HNRNPLL: variants seen among roughly 807,000 people sequenced by gnomAD.
HNRNPLL encodes the protein heterogeneous nuclear ribonucleoprotein L-like.
HNRNPLL carries 25 observed loss-of-function variants against 67.1 expected under a neutral mutation model. The observed-to-expected ratio is 0.37, with a 90% CI of 0.27 to 0.52. The LOEUF (loss-of-function observed/expected upper bound fraction) is 0.52. Among genes scored for constraint, HNRNPLL ranks in the 20% least tolerant of loss-of-function variants. HNRNPLL has a pLI of 0.90. For missense variants in HNRNPLL, 542 were observed against 673.9 expected (o/e 0.80, Z 2.17); for synonymous variants, 267 against 241.7 (o/e 1.10, Z -0.97).
intron 8 of HNRNPLL, among the ~76,000 whole-genome samples, chr2:38,572,058 C>G (rs1666108887): frequency 6.6e-6 from 1 of 152,094 alleles, no homozygotes; most frequent in Non-Finnish European, 1.5e-5. Flanking sequence ...ATTTAATTAT[C>G]AAACATGCAT....
chr2:38,565,903 A>G (rs1057305893), intron 12 of HNRNPLL: 1 of 458,284 alleles, frequency 2.2e-6, no homozygotes, highest in African/African-American at 2.1e-5. Flanking sequence ...CTTCACACAC[A>G]GTTTTGAAAG....
chr2:38,596,676 T>C (rs1377024942), intron 1 of HNRNPLL, among the ~76,000 whole-genome samples: 1 of 152,212 alleles, frequency 6.6e-6, no homozygotes, highest in East Asian at 1.9e-4. Context: ...TATATTAATA[T>C]TGAGGTCATG....
chr2:38,577,425 C>T, intron 7 of HNRNPLL, 36 bp downstream of exon 7: 1 of 1,263,368 alleles, frequency 7.9e-7, no homozygotes, highest in Non-Finnish European at 1.2e-6. Context: ...TCAAACAGTT[C>T]ATCTATACTA....
At chr2:38,581,785 G>C in intron 6 of HNRNPLL, 128 bp downstream of exon 6, 1 of 684,400 alleles carries the variant, frequency 1.5e-6, no homozygotes, top group South Asian at 1.7e-5. Context: ...ATGGCCTTTT[G>C]CAACAAAAGC....
rs1444698860 is a variant in HNRNPLL, at chr2:38,602,639, A to G, written c.-13T>C. 1 of 1,493,330 alleles carries G rather than the reference A, an allele frequency of 6.7e-7. No homozygotes were observed. Among genetic ancestry groups the G allele is most frequent in the South Asian group, 1.3e-5 (1 of 78,266 alleles). The allele number at this position is 1,493,330 out of a possible 1,614,324, so 92.5% of individuals were successfully genotyped here. A position where few individuals can be genotyped will look rare whatever the true frequency, so the allele number is the denominator to read the frequency against. On this transcript the variant is annotated 5_prime_UTR_variant, in exon 1 of 13. Coordinates refer to ENST00000449105, the MANE Select transcript of HNRNPLL (RefSeq NM_138394.4). ...AGGAGGAGGACATGGCGGCGGCCGG[A>G]GGGACCGGCTGGCAGGCGGGTGGGG...
chr2:38,602,811 G>C lies in HNRNPLL; in HGVS notation c.-185C>G. The C allele has an allele frequency of 6.5e-7, 1 of 1,544,928 alleles. No individual in the cohort carries two copies. The highest frequency in any genetic ancestry group is 8.7e-7 in the Non-Finnish European group (1 of 1,144,704). ...CTGAGAAGCGCGGACGGACTGAGGG[G>C]GGCGCCCCGGGAGGAAGCTCTGGAG... On this transcript the variant is annotated 5_prime_UTR_variant, in exon 1 of 13. Transcript: ENST00000449105.
chr2:38,595,290 A>G (rs1435458153), intron 1 of HNRNPLL, among the ~76,000 whole-genome samples: 4 of 145,920 alleles, frequency 2.7e-5, no homozygotes, highest in African/African-American at 1.0e-4. Flanking sequence ...AAAAAAAAAA[A>G]AAAAAAAGAA....
intron 9 of HNRNPLL, 36 bp downstream of exon 9, chr2:38,569,768 A>T (rs1666000506): frequency 6.2e-6 from 7 of 1,129,596 alleles, no homozygotes; most frequent in Non-Finnish European, 7.5e-6. Context: ...ATTTTTAAAT[A>T]TTTTTTAAAA....
intron 12 of HNRNPLL, among the ~76,000 whole-genome samples, chr2:38,565,571 T>C (rs1665825098): frequency 6.6e-6 from 1 of 151,428 alleles, no homozygotes; most frequent in Non-Finnish European, 1.5e-5. Flanking sequence ...TAAACAAATA[T>C]ACACCAATAA....
chr2:38,583,278 C>A (rs536206851), intron 4 of HNRNPLL, among the ~76,000 whole-genome samples: 1 of 152,032 alleles, frequency 6.6e-6, no homozygotes, highest in Non-Finnish European at 1.5e-5. Context: ...ACTATTAAAG[C>A]GTTTGCTGTA....
rs138058397 is a variant in HNRNPLL at position 38,572,410 on chromosome 2, A to C, written c.1092+800T>G. Among the ~76,000 whole-genome samples, 465 of 152,234 alleles carry C rather than the reference A, an allele frequency of 3.1e-3. 5 individuals are homozygous for C. The highest frequency in any genetic ancestry group is 0.011 in the African/African-American group (444 of 41,560). On this transcript the variant is annotated intron_variant, in intron 8 of 12. Transcript: ENST00000449105. ...CATGCTGCAAGAACTTACTGTTGCA[A>C]AGAACACTAAAATCACTTAAAACAG... is the stretch of plus-strand genomic sequence containing the variant.
rs756458550 is a variant in HNRNPLL at position 38,573,465 on chromosome 2, A to G, written c.875-38T>C. On this transcript the variant is annotated intron_variant, in intron 7 of 12. Coordinates refer to ENST00000449105, the MANE Select transcript of HNRNPLL (RefSeq NM_138394.4). ...TCAAAATAAATAAATTAGTTAACAT[A>G]TACACATAGTTGTTTGTAAATACTT... is the stretch of plus-strand genomic sequence containing the variant. 30 of 1,324,530 alleles carry G rather than the reference A, an allele frequency of 2.3e-5. No individual in the cohort carries two copies. The Admixed American group carries it at 5.5e-4, about 24-fold the overall frequency. 82.0% of individuals were successfully genotyped at this position (1,324,530 alleles called of 1,614,324 possible). A position where few individuals can be genotyped will look rare whatever the true frequency, so the allele number is the denominator to read the frequency against.
chr2:38,596,738 C>T (rs1407710578), intron 1 of HNRNPLL, among the ~76,000 whole-genome samples: 2 of 152,030 alleles, frequency 1.3e-5, no homozygotes, highest in Admixed American at 1.3e-4. Context: ...TACAGGAGCC[C>T]AAGTTATTTC....
intron 4 of HNRNPLL, 113 bp downstream of exon 4, chr2:38,583,728 G>A (rs1169228755): frequency 1.8e-5 from 9 of 500,256 alleles, no homozygotes; most frequent in Admixed American, 7.8e-5. Flanking sequence ...GCTAAGTCAC[G>A]TAGATTTTTG....
intron 12 of HNRNPLL, among the ~76,000 whole-genome samples, chr2:38,565,012 A>C (rs1045604035): frequency 3.3e-5 from 5 of 151,852 alleles, no homozygotes; most frequent in Non-Finnish European, 5.9e-5. Context: ...AAAAAAACAA[A>C]CCAACTGGGT....
Position 38,563,986 on chromosome 2 carries a change from T to C in HNRNPLL, c.*196A>G. ...GCTGTAGATAGTCTACATTATGATA[T>C]TCTATCTTAAAATGAAAACAATTCA... On this transcript the variant is annotated 3_prime_UTR_variant, in exon 13 of 13. Coordinates refer to ENST00000449105, the MANE Select transcript of HNRNPLL (RefSeq NM_138394.4). 1 of 536,150 alleles carries C rather than the reference T, an allele frequency of 1.9e-6. No individual in the cohort carries two copies. Among genetic ancestry groups the C allele is most frequent in the East Asian group, 3.2e-5 (1 of 31,558 alleles). 33.2% of individuals were successfully genotyped at this position (536,150 alleles called of 1,614,324 possible). A position where few individuals can be genotyped will look rare whatever the true frequency, so the allele number is the denominator to read the frequency against.
intron 1 of HNRNPLL, among the ~76,000 whole-genome samples, chr2:38,594,232 T>C (rs1471198850): frequency 6.6e-6 from 1 of 152,140 alleles, no homozygotes; most frequent in African/African-American, 2.4e-5. Context: ...ATGTGAGCCT[T>C]TATTAGACAA....
chr2:38,595,692 A>G (rs951815794), intron 1 of HNRNPLL, among the ~76,000 whole-genome samples: 21 of 152,150 alleles, frequency 1.4e-4, no homozygotes, highest in African/African-American at 5.1e-4. Context: ...AAAAATACAA[A>G]AATTAGCCGG....
chr2:38,602,772 C>T lies in HNRNPLL; in HGVS notation c.-146G>A. ...CGGCCGTCCGCGGGGACTGCGCGGC[C>T]AGGAGACTGGCGGCTGAGAAGCGCG... On this transcript the variant is annotated 5_prime_UTR_variant, in exon 1 of 13. Coordinates refer to ENST00000449105, the MANE Select transcript of HNRNPLL (RefSeq NM_138394.4). 6.6e-7 allele frequency: 1 copy of T among 1,526,262 alleles called. No individual in the cohort carries two copies. The highest frequency in any genetic ancestry group is 8.8e-7 in the Non-Finnish European group (1 of 1,136,396). 94.5% of individuals were successfully genotyped at this position (1,526,262 alleles called of 1,614,324 possible). A position where few individuals can be genotyped will look rare whatever the true frequency, so the allele number is the denominator to read the frequency against.
Sources: allele counts gnomAD v4.1 joint callset (sites outside exome capture counted in the v4.1 genomes callset), GRCh38; gene constraint gnomAD v4.1.1; transcripts MANE v1.5; gene names NCBI Gene and HGNC (gene_info 2026-07-23, HGNC 2026-07-21).